Variants in WIPF3 observed in about 807,000 individuals in gnomAD.
WIPF3 encodes the protein WAS/WASL-interacting protein family member 3.
A neutral mutation model predicts 38.9 loss-of-function variants in WIPF3; 33 were observed. That is an observed-to-expected ratio of 0.85 (90% confidence interval 0.64 to 1.14). The LOEUF (loss-of-function observed/expected upper bound fraction) is 1.14, where lower values mean the gene tolerates loss of function less well. Ranked by LOEUF, WIPF3 falls within the 50% of genes most tolerant of loss-of-function variation. WIPF3 has a pLI of 0.00. For missense variants in WIPF3, 711 were observed against 652.5 expected, an observed-to-expected ratio of 1.09 and a Z score of -0.98; for synonymous variants, 324 against 269.3, an observed-to-expected ratio of 1.20 and a Z score of -1.99.
intron 2 of WIPF3, among the ~76,000 whole-genome samples, chr7:29,862,111 G>A (rs1312676240): frequency 1.3e-5 from 2 of 152,086 alleles, no homozygotes; most frequent in African/African-American, 4.8e-5. Flanking sequence ...ACTCCATGGT[G>A]TCCACGGGTC....
intron 2 of WIPF3, among the ~76,000 whole-genome samples, chr7:29,871,718 G>C (rs930027989): frequency 6.6e-6 from 1 of 152,108 alleles, no homozygotes; most frequent in African/African-American, 2.4e-5. Flanking sequence ...ATGGACATGC[G>C]AAAGCTTTTA....
At chr7:29,843,436 G>C (rs150198353) in intron 2 of WIPF3, among the ~76,000 whole-genome samples, 31 of 152,270 alleles carry the variant, frequency 2.0e-4, no homozygotes, top group African/African-American at 7.2e-4. Context: ...AGTTTCATAG[G>C]AGCCCGGAGC....
At chr7:29,905,859 A>G (rs1180186512) in intron 8 of WIPF3, 1 of 152,084 alleles carries the variant, frequency 6.6e-6, no homozygotes, top group East Asian at 1.9e-4. Context: ...TGGGAGCCAA[A>G]CATTAAAGAT....
intron 2 of WIPF3, among the ~76,000 whole-genome samples, chr7:29,874,336 C>T (rs967649347): frequency 2.0e-5 from 3 of 151,986 alleles, no homozygotes; most frequent in African/African-American, 7.3e-5. Flanking sequence ...ATATTTTTTC[C>T]TGATGTGGAG....
intron 4 of WIPF3, 56 bp from the exon 5 acceptor site, chr7:29,883,794 C>CG: frequency 6.6e-7 from 1 of 1,505,260 alleles, no homozygotes; most frequent in East Asian, 2.3e-5. Flanking sequence ...CGCCTACCTG[C>CG]GGGGGCTTTC....
Position 29,914,499 on chromosome 7 carries a change from C to A in WIPF3, c.1435C>A (p.Leu479Ile). ...DIKGRNSQLS[L>I]KTLR Reference sequence around the variant, plus strand: ...TTCTGTTATGTTTCCACAGTTATCTCTAAAGACTCTTCGGTGAGAAGACAG... The same window carrying A: ...TTCTGTTATGTTTCCACAGTTATCTATAAAGACTCTTCGGTGAGAAGACAG... The change falls in exon 9 of 9, where the codon CTA becomes ATA. Residue 479 changes from leucine (L) to isoleucine (I), a missense_variant. Coordinates refer to ENST00000242140, the MANE Select transcript of WIPF3 (RefSeq NM_001080529.3). 1 of 1,522,018 alleles carries A rather than the reference C, an allele frequency of 6.6e-7. No individual in the cohort carries two copies. Among genetic ancestry groups the A allele is most frequent in the South Asian group, 1.3e-5 (1 of 78,542 alleles). 94.3% of individuals were successfully genotyped at this position (1,522,018 alleles called of 1,614,324 possible). A position where few individuals can be genotyped will look rare whatever the true frequency, so the allele number is the denominator to read the frequency against.
At chr7:29,883,349 T>C in intron 4 of WIPF3, among the ~76,000 whole-genome samples, 2 of 152,332 alleles carry the variant, frequency 1.3e-5, no homozygotes, top group Middle Eastern at 6.8e-3. Context: ...GAATCATGAA[T>C]TTTCTGCTCT....
chr7:29,874,800 T>C (rs1220084421), intron 2 of WIPF3, among the ~76,000 whole-genome samples: 2 of 152,182 alleles, frequency 1.3e-5, no homozygotes, highest in Non-Finnish European at 2.9e-5. Context: ...GAAGCAGGTG[T>C]ATCTCAGGGC....
intron 4 of WIPF3, 116 bp downstream of exon 4, chr7:29,879,256 G>C (rs1785668960): frequency 7.7e-7 from 1 of 1,291,586 alleles, no homozygotes; most frequent in South Asian, 1.4e-5. Flanking sequence ...GGGCATGATA[G>C]AGTAGAAGAT....
intron 2 of WIPF3, among the ~76,000 whole-genome samples, chr7:29,848,217 T>C (rs1785033499): frequency 6.6e-6 from 1 of 152,162 alleles, no homozygotes; most frequent in Non-Finnish European, 1.5e-5. Flanking sequence ...CTGCTAAAGC[T>C]AGCAACAAAT....
Position 29,844,894 on chromosome 7 carries a change from G to C in WIPF3, c.90+10080G>C, listed in dbSNP as rs531037552. ...TGAAGCGCTAAACCAAAAGCCCTTC[G>C]ATGCAGATCTTCTCAAGGATTACTT... On this transcript the variant is annotated intron_variant, in intron 2 of 8. Coordinates refer to ENST00000242140, the MANE Select transcript of WIPF3 (RefSeq NM_001080529.3). This position sits in a 1 kb window ranked among gnomAD's most constrained non-coding sequence, Gnocchi z 4.8. Among the ~76,000 whole-genome samples the C allele has an allele frequency of 3.9e-5, 6 of 152,230 alleles. No homozygotes were observed. The South Asian group carries it at 1.2e-3, about 32-fold the overall frequency.
At chr7:29,890,383 G>A (rs1336056837) in intron 7 of WIPF3, among the ~76,000 whole-genome samples, 1 of 149,474 alleles carries the variant, frequency 6.7e-6, no homozygotes, top group African/African-American at 2.5e-5. Context: ...GAGAGAGAGA[G>A]AATGAGGTGA....
chr7:29,914,417 G>T (rs974611302), intron 8 of WIPF3, 76 bp from the exon 9 acceptor site: 3 of 1,220,488 alleles, frequency 2.5e-6, no homozygotes, highest in Admixed American at 3.0e-5. Context: ...GCCTGTTTGG[G>T]GGGGTGGAGG....
At chr7:29,902,308 TAAAC>T (rs1490402848) in intron 7 of WIPF3, among the ~76,000 whole-genome samples, 2 of 140,352 alleles carry the variant, frequency 1.4e-5, no homozygotes, top group African/African-American at 2.5e-5. Flanking sequence ...GCTCAGTTAA[TAAAC>T]TAGCTAAAAA....
chr7:29,843,499 A>G (rs1482825487), intron 2 of WIPF3, among the ~76,000 whole-genome samples: 1 of 152,176 alleles, frequency 6.6e-6, no homozygotes, highest in Non-Finnish European at 1.5e-5. Flanking sequence ...GGAAGGTGAC[A>G]GGGGGTACAA....
rs192075054 is a variant in WIPF3 at position 29,817,568 on chromosome 7, A to C, written c.-58+10890A>C. On this transcript the variant is annotated intron_variant, in intron 1 of 8. Transcript: ENST00000242140. Reference sequence around the variant, plus strand: ...TAACTTAATTTTTTTCCAGATTACTACCCAATTTACTCAATACTTTTTGTT... The same window carrying C: ...TAACTTAATTTTTTTCCAGATTACTCCCCAATTTACTCAATACTTTTTGTT... Among the ~76,000 whole-genome samples the C allele has an allele frequency of 9.2e-5, 14 of 152,172 alleles. No homozygotes were observed. The East Asian group carries it at 2.7e-3, about 29-fold the overall frequency.
intron 1 of WIPF3, among the ~76,000 whole-genome samples, chr7:29,831,342 C>T (rs758589227): frequency 7.9e-5 from 12 of 152,138 alleles, no homozygotes; most frequent in Non-Finnish European, 1.2e-4. Context: ...GATTAGATGG[C>T]GCCCACCCAC....
rs1786571047 is a variant in WIPF3 at position 29,914,621 on chromosome 7, G to A, written c.*105G>A. On this transcript the variant is annotated 3_prime_UTR_variant, in exon 9 of 9. Coordinates refer to ENST00000242140, the MANE Select transcript of WIPF3 (RefSeq NM_001080529.3). Reference sequence around the variant, plus strand: ...GTAATTCAGTTGGCATACAGGCTTGGAATTGAGAATTTATTTATTGTAAAT... The same window carrying A: ...GTAATTCAGTTGGCATACAGGCTTGAAATTGAGAATTTATTTATTGTAAAT... 1 of 708,700 alleles carries A rather than the reference G, an allele frequency of 1.4e-6. No homozygotes were observed. The highest frequency in any genetic ancestry group is 1.9e-5 in the African/African-American group (1 of 53,592). 43.9% of individuals were successfully genotyped at this position (708,700 alleles called of 1,614,324 possible).
At chr7:29,816,071 C>T (rs1483758450) in intron 1 of WIPF3, among the ~76,000 whole-genome samples, 1 of 152,118 alleles carries the variant, frequency 6.6e-6, no homozygotes, top group African/African-American at 2.4e-5. Context: ...TCTCCTAATT[C>T]GGATAGTTCA....
Sources: gnomAD v4.1 joint callset for allele counts (sites outside exome capture counted in the v4.1 genomes callset) on GRCh38, gnomAD v4.1.1 for gene constraint, Gnocchi (gnomAD v3.1) non-coding constraint, MANE v1.5 for transcripts, NCBI Gene and HGNC (gene_info 2026-07-23, HGNC 2026-07-21) for gene names.